TGIF2: variants seen among roughly 807,000 people sequenced by gnomAD.
The protein encoded by TGIF2 is TGFB induced factor homeobox 2.
TGIF2 carries 5 observed loss-of-function variants against 15.1 expected under a neutral mutation model. That is an observed-to-expected ratio of 0.33 (90% CI 0.17 to 0.70). The LOEUF (loss-of-function observed/expected upper bound fraction) is 0.70. Among genes scored for constraint, TGIF2 ranks in the 30% least tolerant of loss-of-function variants. TGIF2 has a pLI of 0.67. For synonymous variants in TGIF2, 131 were observed against 128.9 expected, an observed-to-expected ratio of 1.02 and a Z score of -0.11; for missense variants, 264 against 302.5, an observed-to-expected ratio of 0.87 and a Z score of 0.94.
At chr20:36,578,646 G>T (rs1469075783) in intron 1 of TGIF2, 95 bp from the exon 2 acceptor site, 38 of 1,350,392 alleles carry the variant, frequency 2.8e-5, no homozygotes, top group Middle Eastern at 5.5e-4. Flanking sequence ...CCCATTTCTG[G>T]TGTCCCAGGC....
chr20:36,575,033 T>C (rs938271084), intron 1 of TGIF2, among the ~76,000 whole-genome samples: 4 of 152,030 alleles, frequency 2.6e-5, no homozygotes, highest in African/African-American at 9.7e-5. Flanking sequence ...GCCTGGAGTT[T>C]TCCCTGTCGG....
chr20:36,577,263 G>T (rs1467921124), intron 1 of TGIF2, among the ~76,000 whole-genome samples: 2 of 151,754 alleles, frequency 1.3e-5, no homozygotes, highest in Non-Finnish European at 2.9e-5. Context: ...GCAATGCCAT[G>T]ATCTCAGCTC....
intron 1 of TGIF2, among the ~76,000 whole-genome samples, chr20:36,574,402 G>A (rs1472773330): frequency 6.7e-6 from 1 of 149,478 alleles, no homozygotes; most frequent in Admixed American, 6.6e-5. Context: ...TAGTCTCCGG[G>A]GCAGGGGGCG....
chr20:36,586,702 CCA>C (rs1491462065), intron 2 of TGIF2, among the ~76,000 whole-genome samples: 2 of 138,776 alleles, frequency 1.4e-5, no homozygotes, highest in African/African-American at 6.2e-5. Flanking sequence ...TTCCCCCCCC[CCA>C]AAAAAAAAAA....
chr20:36,592,810 T>C lies in TGIF2; in HGVS notation c.*1379T>C, dbSNP rs974721432. 1 of 158,042 alleles carries C rather than the reference T, an allele frequency of 6.3e-6. No individual in the cohort carries two copies. Among genetic ancestry groups the C allele is most frequent in the Non-Finnish European group, 1.4e-5 (1 of 72,832 alleles). The allele number at this position is 158,042 out of a possible 1,614,324, so 9.8% of individuals were successfully genotyped here. ...TTTTTTCTTTTGCTGTTTTGTTTTT[T>C]GTTTTTTGTTTGTTTGTTTGTTTTT... On this transcript the variant is annotated 3_prime_UTR_variant, in exon 3 of 3. Coordinates refer to ENST00000373872, the MANE Select transcript of TGIF2 (RefSeq NM_021809.7).
chr20:36,591,724 C>G lies in TGIF2; in HGVS notation c.*293C>G. ...GCTTCTCCAGAAAATCCCTGGGACA[C>G]CTTTGTTCCAGCCTGGTTTCCTGGG... On this transcript the variant is annotated 3_prime_UTR_variant, in exon 3 of 3. Transcript: ENST00000373872. This position sits in a 1 kb window ranked among gnomAD's most constrained non-coding sequence, Gnocchi z 5.3. 1 of 291,846 alleles carries G rather than the reference C, an allele frequency of 3.4e-6. No individual in the cohort carries two copies. Among genetic ancestry groups the G allele is most frequent in the Non-Finnish European group, 6.5e-6 (1 of 154,390 alleles). The allele number at this position is 291,846 out of a possible 1,614,324, so 18.1% of individuals were successfully genotyped here.
At chr20:36,578,375 T>C (rs1157487438) in intron 1 of TGIF2, among the ~76,000 whole-genome samples, 1 of 148,906 alleles carries the variant, frequency 6.7e-6, no homozygotes, top group Non-Finnish European at 1.5e-5. Context: ...ATGGCGCCAC[T>C]GCACTCTAGC....
intron 2 of TGIF2, among the ~76,000 whole-genome samples, chr20:36,587,937 G>A (rs955606876): frequency 2.6e-5 from 4 of 152,046 alleles, no homozygotes; most frequent in African/African-American, 9.7e-5. Context: ...GGGCATGGTG[G>A]CACATGTCTG....
In TGIF2 at chr20:36,578,836, G is replaced by A. The variant is rs2038485270; in HGVS notation, c.62G>A (p.Arg21His). ...CTCTCCCTGGCGGGCAAAAGGAAGC[G>A]CAGGGGGAACCTGCCCAAGGAGTCG... ...GLLSLAGKRK[R>H]RGNLPKESVK... Residue 21 changes from arginine (R) to histidine (H), a missense_variant, in exon 2 of 3, where the codon CGC (arginine) becomes CAC (histidine). Physicochemically the swap from Arg to His is conservative, Grantham distance 29 (BLOSUM62 0). Coordinates refer to ENST00000373872, the MANE Select transcript of TGIF2 (RefSeq NM_021809.7). The A allele has an allele frequency of 5.0e-6, 8 of 1,614,042 alleles. No individual in the cohort carries two copies. Among genetic ancestry groups the A allele is most frequent in the African/African-American group, 2.7e-5 (2 of 74,940 alleles).
chr20:36,581,157 C>G (rs2038538411), intron 2 of TGIF2, among the ~76,000 whole-genome samples: 1 of 152,088 alleles, frequency 6.6e-6, no homozygotes, highest in Non-Finnish European at 1.5e-5. Context: ...CAGTGTTTGG[C>G]ATACAGTGGG....
rs1415751598 is a variant in TGIF2, at chr20:36,583,724, C to T, written c.192+4758C>T. Among the ~76,000 whole-genome samples, 4 of 152,234 alleles carry T rather than the reference C, an allele frequency of 2.6e-5. No homozygotes were observed. In the East Asian group the frequency reaches 7.7e-4, roughly 29 times the overall value. The stretch of plus-strand genomic sequence containing the variant: ...CCAGCCTGGCCAACATGGCGAAACC[C>T]CGTCTCTACTAAAAATACAAAAATT... On this transcript the variant is annotated intron_variant, in intron 2 of 2. Coordinates refer to ENST00000373872, the MANE Select transcript of TGIF2 (RefSeq NM_021809.7).
chr20:36,578,671 G>A, intron 1 of TGIF2, 70 bp from the exon 2 acceptor site: 1 of 1,467,598 alleles, frequency 6.8e-7, no homozygotes, highest in East Asian at 2.3e-5. Flanking sequence ...GTAATGCTGA[G>A]CATGTTTGGA....
intron 2 of TGIF2, among the ~76,000 whole-genome samples, chr20:36,584,803 C>G (rs1255576834): frequency 2.6e-5 from 4 of 152,188 alleles, no homozygotes; most frequent in African/African-American, 7.2e-5. Flanking sequence ...TTCAGCCTCC[C>G]AAAGTGCTGG....
At chr20:36,586,897 T>C (rs2147935296) in intron 2 of TGIF2, among the ~76,000 whole-genome samples, 1 of 152,290 alleles carries the variant, frequency 6.6e-6, no homozygotes, top group Non-Finnish European at 1.5e-5. Context: ...CATCACAGCC[T>C]TTGTCAGCCT....
chr20:36,579,972 G>A (rs905600999), intron 2 of TGIF2, among the ~76,000 whole-genome samples: 1 of 152,042 alleles, frequency 6.6e-6, no homozygotes, highest in Non-Finnish European at 1.5e-5. Context: ...GAGCAGAGGC[G>A]GGGGACCCTG....
chr20:36,590,522 C>A (rs1245859641), intron 2 of TGIF2, among the ~76,000 whole-genome samples: 1 of 152,134 alleles, frequency 6.6e-6, no homozygotes. Context: ...GTGTTTTCTT[C>A]CATGTTCTGG....
Position 36,591,100 on chromosome 20 carries a change from C to G in TGIF2, c.383C>G (p.Ser128Cys). The G allele has an allele frequency of 6.2e-7, 1 of 1,605,856 alleles. No individual in the cohort carries two copies. The highest frequency in any genetic ancestry group is 8.5e-7 in the Non-Finnish European group (1 of 1,173,596). ...VPAPTNVLSL[S>C]VCSMPLHSGQ... ...GCCCCCACCAATGTGCTCTCCCTGT[C>G]TGTGTGCTCCATGCCGCTTCACTCA... The change falls in exon 3 of 3, where the codon TCT (serine) becomes TGT (cysteine). Residue 128 changes from serine to cysteine, a missense_variant. Ser to Cys is a moderately radical substitution (Grantham distance 112). Coordinates refer to ENST00000373872, the MANE Select transcript of TGIF2 (RefSeq NM_021809.7). This position sits in a 1 kb window ranked among gnomAD's most constrained non-coding sequence, Gnocchi z 5.3.
intron 1 of TGIF2, among the ~76,000 whole-genome samples, chr20:36,577,766 G>A (rs1421349337): frequency 1.3e-5 from 2 of 151,974 alleles, no homozygotes; most frequent in African/African-American, 2.4e-5. Flanking sequence ...TGCCTGCCTC[G>A]GCCTCCCAAA....
At chr20:36,579,162 T>A (rs2147924064) in intron 2 of TGIF2, among the ~76,000 whole-genome samples, 196 bp downstream of exon 2, 1 of 152,250 alleles carries the variant, frequency 6.6e-6, no homozygotes, top group Non-Finnish European at 1.5e-5. Context: ...TGCAGTCAAT[T>A]TCAGACTTTA....
Sources: gnomAD v4.1 joint callset for allele counts (sites outside exome capture counted in the v4.1 genomes callset) on GRCh38, gnomAD v4.1.1 for gene constraint, Gnocchi (gnomAD v3.1) non-coding constraint, MANE v1.5 for transcripts, NCBI Gene and HGNC (gene_info 2026-07-23, HGNC 2026-07-21) for gene names.